The following THBS4 variants were observed in gnomAD, a reference collection of about 807,000 sequenced individuals.
THBS4 encodes thrombospondin-4.
In THBS4, 90 loss-of-function variants were observed where a neutral mutation model predicts 115.7. The observed-to-expected ratio is 0.78, with a 90% confidence interval of 0.66 to 0.93. The LOEUF (loss-of-function observed/expected upper bound fraction) is 0.93. Ranked by LOEUF, THBS4 falls within the 40% of genes least tolerant of loss-of-function variation. The pLI is 0.00. For missense variants in THBS4, 1,087 were observed against 1,232.7 expected, an observed-to-expected ratio of 0.88 and a Z score of 1.77; for synonymous variants, 460 against 479.3, an observed-to-expected ratio of 0.96 and a Z score of 0.53.
At chr5:80,040,005 CCAAA>C (rs981884499) in intron 1 of THBS4, 68 bp from the exon 2 acceptor site, 10 of 1,392,122 alleles carry the variant, frequency 7.2e-6, no homozygotes, top group African/African-American at 7.1e-5. Flanking sequence ...TGCACCCCCC[CCAAA>C]CAAAGAAACC....
At chr5:80,028,626 T>G (rs947801048) in intron 2 of THBS4, among the ~76,000 whole-genome samples, 1 of 151,860 alleles carries the variant, frequency 6.6e-6, no homozygotes, top group Non-Finnish European at 1.5e-5. Flanking sequence ...GCCCAGCTAA[T>G]TTTTGTATTT....
At chr5:80,059,394 T>A (rs1289635699) in intron 5 of THBS4, 46 bp from the exon 6 acceptor site, 3 of 1,547,534 alleles carry the variant, frequency 1.9e-6, no homozygotes. Flanking sequence ...CTGGATGATA[T>A]CAGGCATTCC....
intron 2 of THBS4, among the ~76,000 whole-genome samples, chr5:80,025,787 C>G (rs143631390): frequency 6.6e-6 from 1 of 152,316 alleles, no homozygotes; most frequent in African/African-American, 2.4e-5. Flanking sequence ...GTTCTTATTC[C>G]AAATTCCTCT....
upstream of THBS4, chr5:80,033,150 A>G (rs542090585): frequency 2.1e-4 from 79 of 375,426 alleles, no homozygotes; most frequent in South Asian, 1.4e-3. Context: ...AAAAAGAAAA[A>G]CTGGCACCTG....
At chr5:80,078,663 A>G (rs1743338819) in intron 17 of THBS4, among the ~76,000 whole-genome samples, 1 of 152,238 alleles carries the variant, frequency 6.6e-6, no homozygotes, top group African/African-American at 2.4e-5. Context: ...TCCCCAGTTA[A>G]GGGCCTGTCC....
rs545569403 is a variant in THBS4, at chr5:79,999,013, G to A, written n.177+586G>A. The stretch of plus-strand genomic sequence containing the variant: ...CTCCAGGAAATCATCTTAGGACTGG[G>A]TAACCCCACTACACCCCTGGGATTC... On this transcript the variant is annotated intron_variant and non_coding_transcript_variant, in intron 2 of 3. Transcript: ENST00000510218. 1.4e-4 allele frequency among the ~76,000 whole-genome samples: 21 copies of A among 152,262 alleles called. No individual in the cohort carries two copies. The South Asian group carries it at 3.9e-3, about 29-fold the overall frequency.
intron 2 of THBS4, among the ~76,000 whole-genome samples, chr5:80,050,216 A>G (rs1210546551): frequency 6.6e-6 from 1 of 151,506 alleles, no homozygotes; most frequent in Non-Finnish European, 1.5e-5. Context: ...AGACAGGGGA[A>G]TTGCAATGGA....
chr5:80,044,091 G>A (rs1267021455), intron 2 of THBS4, among the ~76,000 whole-genome samples: 1 of 152,156 alleles, frequency 6.6e-6, no homozygotes, highest in Non-Finnish European at 1.5e-5. Flanking sequence ...ACACATTCAA[G>A]ACCCATCTCC....
At chr5:80,010,146 A>G (rs190422895) in intron 2 of THBS4, among the ~76,000 whole-genome samples, 1 of 152,342 alleles carries the variant, frequency 6.6e-6, no homozygotes, top group African/African-American at 2.4e-5. Flanking sequence ...TTGGATAAAC[A>G]TAATACACAA....
intron 2 of THBS4, among the ~76,000 whole-genome samples, chr5:80,010,420 T>C (rs1832100744): frequency 6.6e-6 from 1 of 152,212 alleles, no homozygotes; most frequent in African/African-American, 2.4e-5. Flanking sequence ...CATGAAGCCA[T>C]CTAAATAAGG....
chr5:80,017,753 A>G (rs984234852), intron 2 of THBS4, among the ~76,000 whole-genome samples: 51 of 152,192 alleles, frequency 3.4e-4, no homozygotes, highest in Admixed American at 2.6e-4. Flanking sequence ...AGCCTCAAGT[A>G]TATCCTTCGA....
Position 80,055,922 on chromosome 5 carries a change from T to G in THBS4, c.430T>G (p.Tyr144Asp). ...GCGAGGGGCCGGCTCCCTAGAGCTC[T>G]ACCTGGACTGCATCCAGGTGGATTC... ...LQRGAGSLEL[Y>D]LDCIQVDSVH... Residue 144 changes from tyrosine (Y) to aspartate (D), a missense_variant, in exon 3 of 22, where the codon TAC becomes GAC. By Grantham distance (160) the Tyr-to-Asp change is radical. Around this residue, in one of 3 missense-constraint regions of THBS4, gnomAD observed 979 missense variants for 1,103.7 expected, o/e 0.89. Coordinates refer to ENST00000350881, the MANE Select transcript of THBS4 (RefSeq NM_003248.6). 6.2e-7 allele frequency: 1 copy of G among 1,614,242 alleles called. No homozygotes were observed. The highest frequency in any genetic ancestry group is 1.1e-5 in the South Asian group (1 of 91,088).
At chr5:80,054,757 G>A (rs577304181) in intron 2 of THBS4, among the ~76,000 whole-genome samples, 9 of 152,130 alleles carry the variant, frequency 5.9e-5, no homozygotes, top group Non-Finnish European at 1.3e-4. Flanking sequence ...AAGCCTCTGT[G>A]CCCAGCCAAT....
chr5:80,010,344 T>TCC (rs1182151692), intron 2 of THBS4, among the ~76,000 whole-genome samples: 1 of 152,184 alleles, frequency 6.6e-6, no homozygotes, highest in Non-Finnish European at 1.5e-5. Context: ...AAGTTGATAA[T>TCC]TCTCTCACCT....
At chr5:80,034,531 G>T (rs1832649759), upstream of THBS4, among the ~76,000 whole-genome samples, 3 of 152,272 alleles carry the variant, frequency 2.0e-5, no homozygotes, top group South Asian at 6.2e-4. Context: ...CCCAGGAAAA[G>T]GACGAATTAC....
intron 2 of THBS4, among the ~76,000 whole-genome samples, chr5:80,020,591 G>A (rs72772256): frequency 0.072 from 10,991 of 152,274 alleles, 556 homozygotes; most frequent in Middle Eastern, 0.1. Context: ...ACTGTACAAG[G>A]GGGAATGTGG....
Position 80,077,104 on chromosome 5 carries a change from A to G in THBS4, c.2086+56A>G, listed in dbSNP as rs1481570263. On this transcript the variant is annotated intron_variant, in intron 16 of 21. Transcript: ENST00000350881. ...ACCCCTGGGCTCCCTTCAGCCAGGC[A>G]CATGGGGGCACGCCTCTCTCCAGGC... 2.1e-6 allele frequency: 3 copies of G among 1,448,080 alleles called. No homozygotes were observed. The South Asian group carries it at 4.4e-5, about 21-fold the overall frequency. 89.7% of individuals were successfully genotyped at this position (1,448,080 alleles called of 1,614,324 possible).
In THBS4 at chr5:80,049,982, C is replaced by G. The variant is rs372969736; in HGVS notation, c.293-5803C>G. Among the ~76,000 whole-genome samples the G allele has an allele frequency of 2.0e-5, 3 of 152,168 alleles. No homozygotes were observed. In the South Asian group the frequency reaches 6.2e-4, roughly 32 times the overall value. On this transcript the variant is annotated intron_variant, in intron 2 of 21. Coordinates refer to ENST00000350881, the MANE Select transcript of THBS4 (RefSeq NM_003248.6). Reference sequence around the variant, plus strand: ...TCAGAGACACCGTTTGAGATCCGAGCACCCACTGACTGACAGCCTTCAGTT... The same window carrying G: ...TCAGAGACACCGTTTGAGATCCGAGGACCCACTGACTGACAGCCTTCAGTT...
upstream of THBS4, among the ~76,000 whole-genome samples, chr5:80,035,124 C>T (rs935111975): frequency 7.2e-5 from 11 of 151,910 alleles, no homozygotes; most frequent in Non-Finnish European, 1.3e-4. This position sits in a 1 kb window ranked among gnomAD's most constrained non-coding sequence, Gnocchi z 4.6. Context: ...CATCTTCGCC[C>T]CTACCCTCGC....
Sources: gnomAD v4.1 joint callset for allele counts (sites outside exome capture counted in the v4.1 genomes callset) on GRCh38, gnomAD v4.1.1 for gene constraint, gnomAD v4.1.1 regional missense constraint, Gnocchi (gnomAD v3.1) non-coding constraint, MANE v1.5 for transcripts, NCBI Gene and HGNC (gene_info 2026-07-23, HGNC 2026-07-21) for gene names.